Variants in LONRF1 observed in about 807,000 individuals in gnomAD.
The protein encoded by LONRF1 is LON peptidase N-terminal domain and ring finger 1.
In LONRF1, 37 loss-of-function variants were observed where a neutral mutation model predicts 85.8. The observed-to-expected ratio is 0.43, with a 90% CI of 0.33 to 0.57. The LOEUF is 0.57. Ranked by LOEUF, LONRF1 falls within the 20% of genes least tolerant of loss-of-function variation. The probability of loss-of-function intolerance (pLI) is 0.04; values close to 1 mark genes in which losing one functional copy is unlikely to be tolerated. For synonymous variants in LONRF1, 517 were observed against 390.1 expected (o/e 1.33, Z -3.83); for missense variants, 1,036 against 978.0 (o/e 1.06, Z -0.79).
rs1355194842 is a variant in LONRF1 at position 12,729,003 on chromosome 8, C to G, written c.1908G>C (p.Arg636Ser). 2 of 1,613,944 alleles carry G rather than the reference C, an allele frequency of 1.2e-6. No individual in the cohort carries two copies. The highest frequency in any genetic ancestry group is 1.3e-5 in the African/African-American group (1 of 74,912). ...IRNVHFLPDG[R>S]SVVDTVGGKR... is the part of the protein sequence containing the mutation. ...TTCCTCCAACTGTATCAACCACAGA[C>G]CTTCCGTCCGGTAAGAAATGCACGT... The change falls in exon 10 of 12, where the codon AGG (arginine) becomes AGC (serine). Residue 636 changes from arginine (R) to serine (S), a missense_variant. Coordinates refer to ENST00000398246, the MANE Select transcript of LONRF1 (RefSeq NM_152271.5).
At chr8:12,732,690 A>G (rs1006267730) in intron 7 of LONRF1, among the ~76,000 whole-genome samples, 7 of 152,152 alleles carry the variant, frequency 4.6e-5, no homozygotes, top group Admixed American at 3.9e-4. Context: ...CCAAGAACCC[A>G]TATTTTACTG....
chr8:12,742,527 A>G (rs1052043140), intron 2 of LONRF1, among the ~76,000 whole-genome samples: 1 of 152,216 alleles, frequency 6.6e-6, no homozygotes, highest in African/African-American at 2.4e-5. Context: ...CAACTTTAAG[A>G]ACCTATTCTC....
rs1163080118 is a variant in LONRF1 at position 12,741,009 on chromosome 8, C to A, written c.841-13G>T. Reference sequence around the variant, plus strand: ...TCCTGAAGTAGACCTTTAATAAAAGCAGATATATAAAACCTTTGTGTTAAG... The same window carrying A: ...TCCTGAAGTAGACCTTTAATAAAAGAAGATATATAAAACCTTTGTGTTAAG... On this transcript the variant is annotated splice_polypyrimidine_tract_variant and intron_variant, in intron 2 of 11. Coordinates refer to ENST00000398246, the MANE Select transcript of LONRF1 (RefSeq NM_152271.5). The A allele has an allele frequency of 6.2e-7, 1 of 1,609,918 alleles. No individual in the cohort carries two copies. The highest frequency in any genetic ancestry group is 8.5e-7 in the Non-Finnish European group (1 of 1,178,386).
chr8:12,723,893 A>T (rs1022492867), intron 11 of LONRF1, among the ~76,000 whole-genome samples: 6 of 152,250 alleles, frequency 3.9e-5, no homozygotes, highest in Non-Finnish European at 7.3e-5. Flanking sequence ...ATCTCCAGTG[A>T]AAAGGTCCTG....
intron 1 of LONRF1, among the ~76,000 whole-genome samples, chr8:12,747,219 G>T (rs1284148407): frequency 6.6e-6 from 1 of 152,184 alleles, no homozygotes; most frequent in Non-Finnish European, 1.5e-5. Flanking sequence ...CACCATCTGA[G>T]GAATCTAGTC....
rs957784601 is a variant in LONRF1, at chr8:12,722,131, T to G, written c.*965A>C. ...CTAACATTTGCACCGAGACCAGAAT[T>G]AAAAACAAAAACAAACTTTAAAAGC... On this transcript the variant is annotated 3_prime_UTR_variant, in exon 12 of 12. Coordinates refer to ENST00000398246, the MANE Select transcript of LONRF1 (RefSeq NM_152271.5). 2.0e-5 allele frequency: 3 copies of G among 152,564 alleles called. No homozygotes were observed. The highest frequency in any genetic ancestry group is 4.4e-5 in the Non-Finnish European group (3 of 68,016). The allele number at this position is 152,564 out of a possible 1,614,324, so 9.5% of individuals were successfully genotyped here.
chr8:12,740,722 T>C (rs886956561), intron 3 of LONRF1, 152 bp downstream of exon 3: 5 of 938,602 alleles, frequency 5.3e-6, no homozygotes, highest in Non-Finnish European at 7.8e-6. Context: ...AATACGTACA[T>C]GAACCTGAAA....
intron 10 of LONRF1, 76 bp from the exon 11 acceptor site, chr8:12,725,955 GA>G: frequency 2.2e-6 from 3 of 1,383,956 alleles, no homozygotes; most frequent in Non-Finnish European, 2.0e-6. Context: ...GACACAAATG[GA>G]AAAAGGGATC....
chr8:12,755,213 C>A lies in LONRF1; in HGVS notation c.208G>T (p.Ala70Ser), dbSNP rs1264159095. 1 of 1,265,838 alleles carries A rather than the reference C, an allele frequency of 7.9e-7. No individual in the cohort carries two copies. The highest frequency in any genetic ancestry group is 9.9e-7 in the Non-Finnish European group (1 of 1,011,090). The allele number at this position is 1,265,838 out of a possible 1,614,324, so 78.4% of individuals were successfully genotyped here. Reference sequence around the variant, plus strand: ...CCGCGGCGCAGCGCCGCCGCGAACGCCTCCAGCGCGCCCTTCAGGTGGCCG... The same window carrying A: ...CCGCGGCGCAGCGCCGCCGCGAACGACTCCAGCGCGCCCTTCAGGTGGCCG... ...LGGHLKGALE[A>S]FAAALRRGAP... Residue 70 changes from alanine to serine, a missense_variant, in exon 1 of 12, where the codon GCG becomes TCG. Physicochemically the swap from Ala to Ser is moderately conservative, Grantham distance 99 (BLOSUM62 1). This residue lies in a region of LONRF1 where 742 missense variants were observed against 614.4 expected (regional missense o/e 1.21). Coordinates refer to ENST00000398246, the MANE Select transcript of LONRF1 (RefSeq NM_152271.5).
chr8:12,746,304 C>G (rs1031602276), intron 1 of LONRF1, among the ~76,000 whole-genome samples: 7 of 152,162 alleles, frequency 4.6e-5, no homozygotes, highest in African/African-American at 1.7e-4. Flanking sequence ...ATCTCTCCAG[C>G]CTTAATTATC....
chr8:12,738,134 T>C lies in LONRF1; in HGVS notation c.974A>G (p.Asp325Gly), dbSNP rs761199987. Residue 325 changes from aspartate to glycine, a missense_variant, in exon 4 of 12, where the codon GAT (aspartate) becomes GGT (glycine). Asp to Gly is a moderately conservative substitution (Grantham distance 94, BLOSUM62 -1). This residue lies in a region of LONRF1 where 742 missense variants were observed against 614.4 expected (regional missense o/e 1.21). Transcript: ENST00000398246. ...AKLQVQKILC[D>G]LLLPENLKEG... is the part of the protein sequence containing the mutation. ...TTTTAAGTTTTCAGGTAATAATAAA[T>C]CACATAAAATCTGTAAGAGAAATAT... 1.9e-6 allele frequency: 3 copies of C among 1,548,188 alleles called. No homozygotes were observed. The highest frequency in any genetic ancestry group is 1.8e-6 in the Non-Finnish European group (2 of 1,138,058).
rs1299639307 is a variant in LONRF1, at chr8:12,735,524, G to C, written c.1452-124C>G. The stretch of plus-strand genomic sequence containing the variant: ...GGAAGAAGGAGGGCCCAGCAGGCAG[G>C]AGAGGAGAGAAAGGGCAGTGATAAG... On this transcript the variant is annotated intron_variant, in intron 6 of 11. Coordinates refer to ENST00000398246, the MANE Select transcript of LONRF1 (RefSeq NM_152271.5). 5 of 655,242 alleles carry C rather than the reference G, an allele frequency of 7.6e-6. No homozygotes were observed. The Admixed American group carries it at 1.2e-4, about 16-fold the overall frequency. The allele number at this position is 655,242 out of a possible 1,614,324, so 40.6% of individuals were successfully genotyped here.
Position 12,723,265 on chromosome 8 carries a change from T to C in LONRF1, c.2164-11A>G. 1.9e-6 allele frequency: 3 copies of C among 1,600,670 alleles called. No homozygotes were observed. The highest frequency in any genetic ancestry group is 2.6e-6 in the Non-Finnish European group (3 of 1,176,016). On this transcript the variant is annotated splice_polypyrimidine_tract_variant and intron_variant, in intron 11 of 11. Coordinates refer to ENST00000398246, the MANE Select transcript of LONRF1 (RefSeq NM_152271.5). Reference sequence around the variant, plus strand: ...TCCATTAGGGGCTGCCTAAAAACAATGGACAGTTTATAGCATTAATAAAAC... The same window carrying C: ...TCCATTAGGGGCTGCCTAAAAACAACGGACAGTTTATAGCATTAATAAAAC...
intron 1 of LONRF1, chr8:12,754,435 C>T: frequency 3.1e-6 from 1 of 319,972 alleles, no homozygotes; most frequent in Non-Finnish European, 5.6e-6. Flanking sequence ...GACAGCCAGG[C>T]CGCGGCCGAG....
rs2117238853 is a variant in LONRF1, at chr8:12,729,245, T to C, written c.1776A>G (p.Arg592=). 1 of 1,614,030 alleles carries C rather than the reference T, an allele frequency of 6.2e-7. No individual in the cohort carries two copies. The stretch of plus-strand genomic sequence containing the variant: ...TCTGTATACTTCTTCGAATCATCAA[T>C]CTGTATCTTGGCTCAAATACATGGA... ...CPLHVFEPRY[R]LMIRRSIQTG... is the part of the protein sequence containing the mutation. Residue 592 remains arginine, a synonymous_variant, in exon 9 of 12, where the codon AGA becomes AGG. Transcript: ENST00000398246.
Position 12,732,301 on chromosome 8 carries a change from GAC to G in LONRF1, c.1567-446_1567-445del, listed in dbSNP as rs571264569. On this transcript the variant is annotated intron_variant, in intron 7 of 11. Transcript: ENST00000398246. ...AACATCTGTTTTGTTCCCAATTTCA[GAC>G]ACAGTCTCTAGATAAATTTTCTTTC... 1.4e-3 allele frequency among the ~76,000 whole-genome samples: 219 copies of G among 152,324 alleles called. 2 individuals carry two copies. Among genetic ancestry groups the G allele is most frequent in the African/African-American group, 4.9e-3 (202 of 41,576 alleles).
chr8:12,726,207 T>C (rs183061054), intron 10 of LONRF1, among the ~76,000 whole-genome samples: 17 of 152,202 alleles, frequency 1.1e-4, no homozygotes, highest in Non-Finnish European at 2.5e-4. Flanking sequence ...GGAATTCCAT[T>C]TGTCTTTATG....
rs749469548 is a variant in LONRF1 at position 12,741,534 on chromosome 8, G to A, written c.841-538C>T. On this transcript the variant is annotated intron_variant, in intron 2 of 11. Transcript: ENST00000398246. ...CTTTTTCACCAAAGTTCCACACCAA[G>A]TCAGAGCTGGGCAGGATCAGAAATA... Among the ~76,000 whole-genome samples, 7 of 152,304 alleles carry A rather than the reference G, an allele frequency of 4.6e-5. No homozygotes were observed. The South Asian group carries it at 6.2e-4, about 14-fold the overall frequency.
At chr8:12,748,347 C>T (rs902344983) in intron 1 of LONRF1, among the ~76,000 whole-genome samples, 2 of 151,988 alleles carry the variant, frequency 1.3e-5, no homozygotes, top group African/African-American at 4.8e-5. Flanking sequence ...AGGTGCATGC[C>T]TCCACACCTG....
Sources: allele counts gnomAD v4.1 joint callset (sites outside exome capture counted in the v4.1 genomes callset), GRCh38; gene constraint gnomAD v4.1.1; regional missense constraint gnomAD v4.1.1; transcripts MANE v1.5; gene names NCBI Gene and HGNC (gene_info 2026-07-23, HGNC 2026-07-21).